Variants in RERE observed in about 807,000 individuals in gnomAD.
RERE encodes the protein arginine-glutamic acid dipeptide repeats.
In RERE, 40 loss-of-function variants were observed where a neutral mutation model predicts 146.1. The observed-to-expected ratio is 0.27, with a 90% CI of 0.21 to 0.36. RERE has a LOEUF of 0.36. Among genes scored for constraint, RERE ranks in the 10% least tolerant of loss-of-function variants. The pLI, the probability that RERE is intolerant of heterozygous loss-of-function variation, is 1.00. For synonymous variants in RERE, 1,003 were observed against 866.0 expected, an observed-to-expected ratio of 1.16 and a Z score of -2.78; for missense variants, 1,933 against 2,138.7, an observed-to-expected ratio of 0.90 and a Z score of 1.90.
intron 4 of RERE, among the ~76,000 whole-genome samples, chr1:8,600,105 A>G (rs567159233): frequency 6.6e-6 from 1 of 152,192 alleles, no homozygotes; most frequent in East Asian, 1.9e-4. Flanking sequence ...TGATGGTTTC[A>G]TAAATGGGAG....
At chr1:8,516,839 A>G (rs1386287247) in intron 7 of RERE, among the ~76,000 whole-genome samples, 3 of 152,246 alleles carry the variant, frequency 2.0e-5, no homozygotes, top group African/African-American at 7.2e-5. Flanking sequence ...GTCATGATGA[A>G]AGAGAAAAAC....
At chr1:8,679,751 T>C (rs1225114687) in intron 1 of RERE, among the ~76,000 whole-genome samples, 2 of 152,386 alleles carry the variant, frequency 1.3e-5, no homozygotes, top group East Asian at 3.9e-4. Flanking sequence ...TACAGGATGA[T>C]GGCAGAGTTC....
At chr1:8,614,038 G>A (rs563165105) in intron 4 of RERE, among the ~76,000 whole-genome samples, 15 of 152,258 alleles carry the variant, frequency 9.9e-5, no homozygotes, top group Admixed American at 6.5e-4. Flanking sequence ...AGGGATAGCC[G>A]TTAAGAAGTA....
At chr1:8,705,267 C>T (rs1319881053) in intron 1 of RERE, among the ~76,000 whole-genome samples, 1 of 152,180 alleles carries the variant, frequency 6.6e-6, no homozygotes, top group African/African-American at 2.4e-5. Flanking sequence ...CACTCAAATT[C>T]TTTTGTGCTC....
intron 1 of RERE, among the ~76,000 whole-genome samples, chr1:8,770,241 A>G (rs1320828212): frequency 6.6e-6 from 1 of 152,228 alleles, no homozygotes; most frequent in East Asian, 1.9e-4. Flanking sequence ...TCATTTCAGA[A>G]TATTATTGAA....
chr1:8,716,624 TAAAC>T (rs2124467265), intron 1 of RERE, among the ~76,000 whole-genome samples: 1 of 151,306 alleles, frequency 6.6e-6, no homozygotes, highest in African/African-American at 2.4e-5. Flanking sequence ...CAAAAAAAAA[TAAAC>T]AGTACACCAC....
At chr1:8,579,343 AC>A (rs1415264570) in intron 4 of RERE, among the ~76,000 whole-genome samples, 1 of 152,196 alleles carries the variant, frequency 6.6e-6, no homozygotes, top group Non-Finnish European at 1.5e-5. Context: ...GCCACCACTA[AC>A]CTATTAACAA....
chr1:8,811,167 C>T (rs1364365636), intron 1 of RERE, among the ~76,000 whole-genome samples: 3 of 152,172 alleles, frequency 2.0e-5, no homozygotes, highest in Non-Finnish European at 4.4e-5. Flanking sequence ...TTTCCAGTGC[C>T]TCCCCAGGCA....
At chr1:8,761,121 T>C (rs1640749098) in intron 1 of RERE, among the ~76,000 whole-genome samples, 1 of 152,104 alleles carries the variant, frequency 6.6e-6, no homozygotes, top group Non-Finnish European at 1.5e-5. Context: ...CTTACCAAAA[T>C]GAGAATCAAA....
At chr1:8,693,838 G>A (rs911611927) in intron 1 of RERE, among the ~76,000 whole-genome samples, 4 of 151,940 alleles carry the variant, frequency 2.6e-5, no homozygotes, top group African/African-American at 9.7e-5. Flanking sequence ...GGAGTTAGGG[G>A]GGATGCGGGA....
chr1:8,793,173 A>C (rs1001707044), intron 1 of RERE, among the ~76,000 whole-genome samples: 2 of 147,012 alleles, frequency 1.4e-5, no homozygotes, highest in Admixed American at 1.4e-4. Context: ...AAAAAAAAAA[A>C]AAAAGAAAGA....
At chr1:8,647,673 GTGTGTC>G (rs1198158868) in intron 2 of RERE, among the ~76,000 whole-genome samples, 1 of 151,016 alleles carries the variant, frequency 6.6e-6, no homozygotes, top group African/African-American at 2.5e-5. Context: ...GTGTGTGTGT[GTGTGTC>G]CCCTGGAACA....
intron 8 of RERE, among the ~76,000 whole-genome samples, chr1:8,508,212 C>T (rs1053187039): frequency 8.5e-5 from 13 of 152,068 alleles, no homozygotes; most frequent in Admixed American, 8.5e-4. Flanking sequence ...ATAAATCAGG[C>T]ACAAAAAGAC....
intron 1 of RERE, among the ~76,000 whole-genome samples, chr1:8,710,768 G>A (rs1306236145): frequency 5.3e-5 from 8 of 152,100 alleles, no homozygotes; most frequent in Non-Finnish European, 1.0e-4. Context: ...GCCTGCCTCA[G>A]CCTCCCAAAG....
intron 4 of RERE, among the ~76,000 whole-genome samples, chr1:8,613,476 T>G (rs1411455542): frequency 6.6e-6 from 1 of 152,170 alleles, no homozygotes; most frequent in Admixed American, 6.5e-5. Flanking sequence ...TTCTTATTGA[T>G]GTATGAAAAA....
chr1:8,373,630 T>C (rs995775382), intron 12 of RERE, among the ~76,000 whole-genome samples: 5 of 152,112 alleles, frequency 3.3e-5, no homozygotes, highest in Admixed American at 2.0e-4. Context: ...TCCCAGGAAG[T>C]CTGCATGCGA....
At chr1:8,380,626 C>T (rs565742403) in intron 12 of RERE, 116 of 356,362 alleles carry the variant, frequency 3.3e-4, no homozygotes, top group Admixed American at 9.5e-4. Flanking sequence ...GGATTACAGG[C>T]GTGAGCCACC....
chr1:8,617,258 C>A (rs1168391858), intron 3 of RERE, among the ~76,000 whole-genome samples: 1 of 144,740 alleles, frequency 6.9e-6, no homozygotes, highest in Middle Eastern at 3.3e-3. Flanking sequence ...GCAGGAGAAT[C>A]GCTTGAACCC....
At chr1:8,805,007 G>GTTTTTTTTTTTTTTTTTTTTTTTT (rs1557553356) in intron 1 of RERE, among the ~76,000 whole-genome samples, 10 of 61,360 alleles carry the variant, frequency 1.6e-4, no homozygotes, top group East Asian at 8.6e-4. Flanking sequence ...TTTTGTTTTT[G>GTTTTTTTTTTTTTTTTTTTTTTTT]GTTTTTTTTT....
Sources: allele counts gnomAD v4.1 joint callset (sites outside exome capture counted in the v4.1 genomes callset), GRCh38; gene constraint gnomAD v4.1.1; transcripts MANE v1.5; gene names NCBI Gene and HGNC (gene_info 2026-07-23, HGNC 2026-07-21).